The following MLLT10 variants were observed in gnomAD, a reference collection of about 807,000 sequenced individuals.
MLLT10 encodes MLLT10 histone lysine methyltransferase DOT1L cofactor, also known as protein AF-10.
A neutral mutation model predicts 129.1 loss-of-function variants in MLLT10; 30 were observed. The observed-to-expected ratio is 0.23, with a 90% CI of 0.17 to 0.32. MLLT10 has a LOEUF of 0.32. Among genes scored for constraint, MLLT10 ranks in the 10% least tolerant of loss-of-function variants. MLLT10 has a pLI of 1.00. For synonymous variants in MLLT10, 490 were observed against 446.4 expected, an observed-to-expected ratio of 1.10 and a Z score of -1.23; for missense variants, 1,119 against 1,268.3, an observed-to-expected ratio of 0.88 and a Z score of 1.79.
rs570242718 is a variant in MLLT10, at chr10:21,708,568, G to A, written c.1700-5204G>A. The A allele has an allele frequency of 2.7e-4, 263 of 983,944 alleles. 1 individual carries two copies. In the African/African-American group the frequency reaches 3.3e-3, roughly 12 times the overall value. 61.0% of individuals were successfully genotyped at this position (983,944 alleles called of 1,614,324 possible). ...ACATTTTGCTCTGTTTTTTTTGTGTGTGTGTTTTTTTTTTACCAGTAAACT... is the reference window on the plus strand; with the variant it reads ...ACATTTTGCTCTGTTTTTTTTGTGTATGTGTTTTTTTTTTACCAGTAAACT... On this transcript the variant is annotated intron_variant, in intron 13 of 22. Transcript: ENST00000307729.
intron 5 of MLLT10, among the ~76,000 whole-genome samples, chr10:21,601,072 T>G (rs1416855444): frequency 6.6e-6 from 1 of 152,120 alleles, no homozygotes; most frequent in Non-Finnish European, 1.5e-5. Flanking sequence ...GTCTCCTGAG[T>G]AGCTGTGACT....
intron 21 of MLLT10, among the ~76,000 whole-genome samples, chr10:21,736,927 T>G (rs1405591508): frequency 3.9e-5 from 6 of 151,992 alleles, no homozygotes; most frequent in Non-Finnish European, 8.8e-5. Context: ...AAAAGGAGAA[T>G]AAGCCAGTAA....
chr10:21,664,666 G>A (rs1022227581), intron 9 of MLLT10, among the ~76,000 whole-genome samples: 34 of 152,004 alleles, frequency 2.2e-4, no homozygotes, highest in African/African-American at 8.2e-4. Context: ...AGGTCAAGTT[G>A]ATTTATATTA....
At chr10:21,665,274 CTTTT>C (rs1393612551) in intron 9 of MLLT10, among the ~76,000 whole-genome samples, 3 of 94,748 alleles carry the variant, frequency 3.2e-5, no homozygotes, top group African/African-American at 9.3e-5. Flanking sequence ...AAATAGGCTT[CTTTT>C]TTGTTTGTTT....
At chr10:21,588,056 T>C (rs2042162667) in intron 4 of MLLT10, among the ~76,000 whole-genome samples, 1 of 152,140 alleles carries the variant, frequency 6.6e-6, no homozygotes, top group South Asian at 2.1e-4. Flanking sequence ...TTTTGAGACT[T>C]TGCTTTTCTT....
intron 3 of MLLT10, among the ~76,000 whole-genome samples, chr10:21,544,328 A>G (rs1029174259): frequency 4.6e-5 from 7 of 152,180 alleles, no homozygotes; most frequent in African/African-American, 1.7e-4. Flanking sequence ...AGAAGACAAT[A>G]AAACAAAAGC....
intron 13 of MLLT10, among the ~76,000 whole-genome samples, chr10:21,694,349 T>G (rs1202380410): frequency 6.6e-6 from 1 of 152,172 alleles, no homozygotes; most frequent in Non-Finnish European, 1.5e-5. Flanking sequence ...TAAATTCAGA[T>G]TATGTTTTGG....
chr10:21,617,870 G>A (rs899591862), intron 8 of MLLT10, among the ~76,000 whole-genome samples: 18 of 151,962 alleles, frequency 1.2e-4, no homozygotes, highest in Non-Finnish European at 2.6e-4. Flanking sequence ...AGAACATATT[G>A]CCATTAGCTG....
chr10:21,740,863 G>GGGAGTATAAAAT (rs1419726147), intron 22 of MLLT10, among the ~76,000 whole-genome samples: 58 of 152,286 alleles, frequency 3.8e-4, no homozygotes, highest in African/African-American at 1.3e-3. Context: ...CTTCAATTAG[G>GGGAGTATAAAAT]TCTACTTTAC....
rs879103849 is a variant in MLLT10, at chr10:21,620,309, G to A, written c.699+3102G>A. ...TTTTAGTGTTGCATTGAAAGGTAAC[G>A]CTCATAATCAAGTCAGACATTAGTA... On this transcript the variant is annotated intron_variant, in intron 8 of 22. Coordinates refer to ENST00000307729, the MANE Select transcript of MLLT10 (RefSeq NM_001195626.3). Among the ~76,000 whole-genome samples, 7 of 152,092 alleles carry A rather than the reference G, an allele frequency of 4.6e-5. No homozygotes were observed. In the East Asian group the frequency reaches 9.6e-4, roughly 21 times the overall value.
intron 3 of MLLT10, among the ~76,000 whole-genome samples, chr10:21,550,958 C>T (rs1180017214): frequency 7.0e-6 from 1 of 143,322 alleles, no homozygotes; most frequent in Admixed American, 7.1e-5. Context: ...TGGAGTCTTG[C>T]TCTGTCACCC....
intron 8 of MLLT10, among the ~76,000 whole-genome samples, chr10:21,620,681 T>G (rs1289119951): frequency 6.6e-6 from 1 of 152,152 alleles, no homozygotes; most frequent in African/African-American, 2.4e-5. Flanking sequence ...ATTTACAATT[T>G]TAAAATTGTT....
At chr10:21,570,973 T>C (rs1472663129) in intron 3 of MLLT10, among the ~76,000 whole-genome samples, 1 of 152,216 alleles carries the variant, frequency 6.6e-6, no homozygotes, top group Non-Finnish European at 1.5e-5. Context: ...GACTTTGTTC[T>C]GTGGCATTAT....
At position 21,538,852 on chromosome 10, in the gene MLLT10, A is replaced by G. The variant is rs41277382; in HGVS notation, c.180A>G (p.Gln60=). ...CAACAGCTTGCTATGGCATTGTTCA[A>G]GTACCCACTGGACCGTGGTTTTGCA... ...AVHQACYGIV[Q]VPTGPWFCRK... is the part of the protein sequence containing the mutation. The change falls in exon 3 of 23, where the codon CAA becomes CAG. Residue 60 remains glutamine (Q), a synonymous_variant. Transcript: ENST00000307729. The G allele has an allele frequency of 3.3e-5, 53 of 1,613,304 alleles. No homozygotes were observed. The highest frequency in any genetic ancestry group is 4.0e-5 in the African/African-American group (3 of 75,038).
intron 9 of MLLT10, among the ~76,000 whole-genome samples, chr10:21,660,987 A>G (rs1418359593): frequency 6.6e-6 from 1 of 150,376 alleles, no homozygotes; most frequent in African/African-American, 2.4e-5. Flanking sequence ...ACAAATTTTT[A>G]TGTTTTATTT....
intron 5 of MLLT10, among the ~76,000 whole-genome samples, chr10:21,601,582 G>T (rs2043536941): frequency 6.6e-6 from 1 of 152,156 alleles, no homozygotes; most frequent in South Asian, 2.1e-4. Context: ...GTGGAGTGCA[G>T]TGGACAGTTA....
At chr10:21,621,884 A>G (rs2045897337) in intron 8 of MLLT10, among the ~76,000 whole-genome samples, 1 of 152,238 alleles carries the variant, frequency 6.6e-6, no homozygotes, top group African/African-American at 2.4e-5. Context: ...AGTATAAATA[A>G]GTGATATTGT....
intron 4 of MLLT10, among the ~76,000 whole-genome samples, chr10:21,588,765 G>A (rs2042231871): frequency 6.6e-6 from 1 of 151,702 alleles, no homozygotes; most frequent in Admixed American, 6.6e-5. Context: ...TTTATAGTTT[G>A]AAGAGCAGTT....
chr10:21,625,831 C>A, intron 8 of MLLT10: 1 of 774,252 alleles, frequency 1.3e-6, no homozygotes, highest in Non-Finnish European at 2.4e-6. Context: ...ACCCTCTATT[C>A]TGACCAGACA....
Sources: gnomAD v4.1 joint callset for allele counts (sites outside exome capture counted in the v4.1 genomes callset) on GRCh38, gnomAD v4.1.1 for gene constraint, MANE v1.5 for transcripts, NCBI Gene and HGNC (gene_info 2026-07-23, HGNC 2026-07-21) for gene names.